Variants in COL6A6 observed in about 807,000 individuals in gnomAD.
COL6A6 encodes collagen type VI alpha 6 chain.
A neutral mutation model predicts 208.6 loss-of-function variants in COL6A6; 183 were observed. The observed-to-expected ratio is 0.88, with a 90% CI of 0.78 to 0.99. COL6A6 has a LOEUF of 0.99. Among genes scored for constraint, COL6A6 ranks in the 50% least tolerant of loss-of-function variants. COL6A6 has a pLI of 0.00. For synonymous variants in COL6A6, 973 were observed against 1,011.8 expected (o/e 0.96, Z 0.73); for missense variants, 2,816 against 2,815.2 (o/e 1.00, Z -0.01).
At chr3:130,646,921 A>C (rs1168361919) in intron 32 of COL6A6, among the ~76,000 whole-genome samples, 1 of 152,162 alleles carries the variant, frequency 6.6e-6, no homozygotes, top group Non-Finnish European at 1.5e-5. Flanking sequence ...GAAGGGTAGG[A>C]AATGTCAAAG....
chr3:130,608,253 TAAATG>T (rs754477293), intron 21 of COL6A6, among the ~76,000 whole-genome samples: 1 of 152,190 alleles, frequency 6.6e-6, no homozygotes, highest in Non-Finnish European at 1.5e-5. Flanking sequence ...TGGCATGATA[TAAATG>T]AAATGAAATT....
At position 130,568,525 on chromosome 3, in the gene COL6A6, G is replaced by A; in HGVS notation, c.2322G>A (p.Met774Ile). The change falls in exon 6 of 37, where the codon ATG (methionine) becomes ATA (isoleucine). Residue 774 changes from methionine to isoleucine, a missense_variant. Met to Ile is a conservative substitution (Grantham distance 10, BLOSUM62 1). Coordinates refer to ENST00000358511, the MANE Select transcript of COL6A6 (RefSeq NM_001102608.3). ...AGGAGATCAGTGGGAGGCCCGAGAT[G>A]GTTTTTTATGTTGAGAATTTTGACA... Reference protein sequence around the residue: ...QLEEISGRPEMVFYVENFDIL... With the variant: ...QLEEISGRPEIVFYVENFDIL... 2 of 1,612,484 alleles carry A rather than the reference G, an allele frequency of 1.2e-6. No homozygotes were observed. Among genetic ancestry groups the A allele is most frequent in the Non-Finnish European group, 1.7e-6 (2 of 1,179,862 alleles).
chr3:130,645,112 G>A, intron 32 of COL6A6, 110 bp downstream of exon 32: 1 of 1,055,812 alleles, frequency 9.5e-7, no homozygotes, highest in Admixed American at 1.7e-5. Context: ...AATTTTATCT[G>A]GGCTTTCTTT....
At chr3:130,649,584 C>G in intron 33 of COL6A6, 22 bp downstream of exon 33, 2 of 1,535,380 alleles carry the variant, frequency 1.3e-6, no homozygotes, top group Non-Finnish European at 1.8e-6. Context: ...AAACCTTTCA[C>G]ATGACAATTC....
At chr3:130,655,292 A>G in intron 33 of COL6A6, among the ~76,000 whole-genome samples, 1 of 152,140 alleles carries the variant, frequency 6.6e-6, no homozygotes, top group Non-Finnish European at 1.5e-5. Context: ...AGAAGAGAAT[A>G]GGTTCCAAGA....
At chr3:130,608,536 A>T (rs1010723584) in intron 21 of COL6A6, among the ~76,000 whole-genome samples, 1 of 152,086 alleles carries the variant, frequency 6.6e-6, no homozygotes, top group East Asian at 1.9e-4. Flanking sequence ...ATCGTGTAAG[A>T]TGCTTGAAGA....
At chr3:130,618,106 A>AT (rs1354877304) in intron 23 of COL6A6, among the ~76,000 whole-genome samples, 1 of 151,856 alleles carries the variant, frequency 6.6e-6, no homozygotes. Context: ...GGAGAGCCAC[A>AT]TTTTTTTTAG....
chr3:130,598,438 C>T lies in COL6A6; in HGVS notation c.4599+8C>T, dbSNP rs144663015. The T allele has an allele frequency of 9.4e-4, 1,451 of 1,540,486 alleles. 14 individuals are homozygous for T. In the African/African-American group the frequency reaches 0.017, roughly 18 times the overall value. The stretch of plus-strand genomic sequence containing the variant: ...GGAGAACGTGGAAGACAAGTAATTA[C>T]GTGGGCTTGTAAAATCGTGATGCAA... On this transcript the variant is annotated splice_region_variant and intron_variant, in intron 19 of 36. Transcript: ENST00000358511.
chr3:130,533,895 G>A (rs74887073), intron 1 of COL6A6, among the ~76,000 whole-genome samples: 1,909 of 152,290 alleles, frequency 0.013, 32 homozygotes, highest in African/African-American at 0.043. Context: ...TAGATCTAAA[G>A]TATTCATTTA....
chr3:130,598,845 G>A (rs1576301700), intron 19 of COL6A6, among the ~76,000 whole-genome samples: 1 of 152,158 alleles, frequency 6.6e-6, no homozygotes, highest in African/African-American at 2.4e-5. Flanking sequence ...AGATAGACGT[G>A]GTCCACACAA....
rs1414916303 is a variant in COL6A6, at chr3:130,591,045, C to T, written c.4223C>T (p.Pro1408Leu). The change falls in exon 13 of 37, where the codon CCT becomes CTT. Residue 1408 changes from proline to leucine, a missense_variant. Pro to Leu is a moderately conservative substitution (Grantham distance 98). Transcript: ENST00000358511. ...GDPGPPGKRG[P>L]PGFKGSEGYL... ...TCTTCCTTTTCTTATTTCCAGGGAC[C>T]TCCAGGTTTTAAAGGCAGTGAAGGC... 6.3e-7 allele frequency: 1 copy of T among 1,576,674 alleles called. No homozygotes were observed. The highest frequency in any genetic ancestry group is 8.6e-7 in the Non-Finnish European group (1 of 1,159,076).
chr3:130,540,493 T>C (rs1439521907), intron 1 of COL6A6, among the ~76,000 whole-genome samples: 2 of 152,242 alleles, frequency 1.3e-5, no homozygotes, highest in Non-Finnish European at 2.9e-5. Flanking sequence ...TGCCCTTTTT[T>C]TCTTTTTTAA....
chr3:130,612,475 CTG>C (rs1332186464), intron 23 of COL6A6, among the ~76,000 whole-genome samples: 1 of 152,176 alleles, frequency 6.6e-6, no homozygotes, highest in Non-Finnish European at 1.5e-5. Flanking sequence ...GCCATTCTGA[CTG>C]TATCTCACTG....
chr3:130,574,146 T>G lies in COL6A6; in HGVS notation c.3168T>G (p.Thr1056=). The G allele has an allele frequency of 6.2e-7, 1 of 1,614,038 alleles. No homozygotes were observed. The highest frequency in any genetic ancestry group is 2.2e-5 in the East Asian group (1 of 44,880). The change falls in exon 8 of 37, where the codon ACT becomes ACG. Residue 1056 remains threonine (T), a synonymous_variant. Coordinates refer to ENST00000358511, the MANE Select transcript of COL6A6 (RefSeq NM_001102608.3). The stretch of plus-strand genomic sequence containing the variant: ...ATCACCCGGAGTTTCCACTGGGAAC[T>G]TTCATAGGTGAAAAAGAGATATCAT... The part of the protein sequence containing the change: ...DTYHPEFPLG[T]FIGEKEISFQ...
chr3:130,555,919 GT>G (rs575613927), intron 1 of COL6A6, among the ~76,000 whole-genome samples: 1 of 151,572 alleles, frequency 6.6e-6, no homozygotes, highest in East Asian at 1.9e-4. Flanking sequence ...TACAAATGCA[GT>G]TTTTTTTTAA....
At chr3:130,635,263 T>A (rs2065078770) in intron 27 of COL6A6, among the ~76,000 whole-genome samples, 1 of 151,850 alleles carries the variant, frequency 6.6e-6, no homozygotes, top group East Asian at 1.9e-4. Context: ...GAAAGAAAAG[T>A]GTAATGTAAA....
At chr3:130,531,996 A>C (rs2062109388) in intron 1 of COL6A6, among the ~76,000 whole-genome samples, 1 of 152,176 alleles carries the variant, frequency 6.6e-6, no homozygotes, top group South Asian at 2.1e-4. Context: ...ATGAAATATG[A>C]CTTTTGAAAA....
At chr3:130,588,945 A>T in intron 11 of COL6A6, 145 bp from the exon 12 acceptor site, 2 of 412,956 alleles carry the variant, frequency 4.8e-6, no homozygotes, top group Non-Finnish European at 4.3e-6. Context: ...AAAAAGTTTC[A>T]TGCATTCTTT....
At chr3:130,547,738 T>C (rs2062549636) in intron 1 of COL6A6, among the ~76,000 whole-genome samples, 1 of 152,268 alleles carries the variant, frequency 6.6e-6, no homozygotes, top group Admixed American at 6.5e-5. Context: ...TGGCCATCTG[T>C]TATTGTGTGC....
Sources: gnomAD v4.1 joint callset for allele counts (sites outside exome capture counted in the v4.1 genomes callset) on GRCh38, gnomAD v4.1.1 for gene constraint, MANE v1.5 for transcripts, NCBI Gene and HGNC (gene_info 2026-07-23, HGNC 2026-07-21) for gene names.